The following KCNIP4 variants were observed in gnomAD, a reference collection of about 807,000 sequenced individuals.
KCNIP4 encodes the protein Kv channel-interacting protein 4.
KCNIP4 carries 12 observed loss-of-function variants against 34.0 expected under a neutral mutation model. That is an observed-to-expected ratio of 0.35 (90% CI 0.23 to 0.57). The LOEUF (loss-of-function observed/expected upper bound fraction) is 0.57. Ranked by LOEUF, KCNIP4 falls within the 20% of genes least tolerant of loss-of-function variation. KCNIP4 has a pLI of 0.83. For missense variants in KCNIP4, 238 were observed against 311.7 expected, an observed-to-expected ratio of 0.76 and a Z score of 1.78; for synonymous variants, 124 against 102.2, an observed-to-expected ratio of 1.21 and a Z score of -1.29.
intron 1 of KCNIP4, among the ~76,000 whole-genome samples, chr4:21,647,793 C>A (rs1747134743): frequency 6.7e-6 from 1 of 149,966 alleles, no homozygotes; most frequent in African/African-American, 2.5e-5. Context: ...TCAACCATAT[C>A]ACAACTCACA....
At chr4:21,270,114 G>A (rs1472200485) in intron 1 of KCNIP4, among the ~76,000 whole-genome samples, 1 of 152,188 alleles carries the variant, frequency 6.6e-6, no homozygotes, top group Non-Finnish European at 1.5e-5. Context: ...AACCACCGGG[G>A]AGTATCATAG....
intron 3 of KCNIP4, among the ~76,000 whole-genome samples, chr4:20,786,275 G>C (rs1560464142): frequency 1.3e-5 from 2 of 152,040 alleles, no homozygotes; most frequent in African/African-American, 4.8e-5. Context: ...ATGAGAACAA[G>C]AGACACTAGG....
chr4:20,868,603 G>A (rs545240000), intron 2 of KCNIP4, among the ~76,000 whole-genome samples: 132 of 152,192 alleles, frequency 8.7e-4, no homozygotes, highest in Non-Finnish European at 1.6e-3. Context: ...GCCCATCAGT[G>A]GTAGATTGGA....
chr4:20,873,109 A>G (rs1221478952), intron 2 of KCNIP4, among the ~76,000 whole-genome samples: 1 of 152,156 alleles, frequency 6.6e-6, no homozygotes, highest in Non-Finnish European at 1.5e-5. Flanking sequence ...TTTCAAATTT[A>G]TCCTCTCCCT....
intron 1 of KCNIP4, among the ~76,000 whole-genome samples, chr4:21,896,646 T>C (rs567153465): frequency 6.6e-6 from 1 of 152,086 alleles, no homozygotes; most frequent in Non-Finnish European, 1.5e-5. Context: ...ATGTCAGACA[T>C]GGTGGCTCAT....
At chr4:21,222,490 G>A (rs966591896) in intron 1 of KCNIP4, among the ~76,000 whole-genome samples, 9 of 151,982 alleles carry the variant, frequency 5.9e-5, no homozygotes, top group Non-Finnish European at 1.2e-4. Flanking sequence ...TAAATGTTAA[G>A]GTAATATCCT....
intron 1 of KCNIP4, among the ~76,000 whole-genome samples, chr4:20,970,207 C>G (rs925395277): frequency 6.6e-6 from 1 of 152,162 alleles, no homozygotes; most frequent in African/African-American, 2.4e-5. Context: ...TCCCAAAGTG[C>G]TGGGATTACA....
intron 1 of KCNIP4, among the ~76,000 whole-genome samples, chr4:21,690,200 A>G (rs997124980): frequency 1.3e-5 from 2 of 150,866 alleles, no homozygotes; most frequent in African/African-American, 2.4e-5. Flanking sequence ...TGTCATGGTC[A>G]GTTGGACTTT....
intron 1 of KCNIP4, among the ~76,000 whole-genome samples, chr4:21,886,610 A>T (rs1448107410): frequency 2.2e-4 from 33 of 152,144 alleles, no homozygotes; most frequent in Admixed American, 2.1e-3. Context: ...TGTAAATCCC[A>T]AATCTGTGAA....
At chr4:21,887,059 A>T (rs990564009) in intron 1 of KCNIP4, among the ~76,000 whole-genome samples, 8 of 152,220 alleles carry the variant, frequency 5.3e-5, no homozygotes, top group Admixed American at 3.3e-4. Flanking sequence ...TAAAGTACAA[A>T]TTTTTTTAAA....
chr4:21,548,129 C>G (rs1234723888), intron 1 of KCNIP4, among the ~76,000 whole-genome samples: 1 of 152,022 alleles, frequency 6.6e-6, no homozygotes, highest in Non-Finnish European at 1.5e-5. Flanking sequence ...TCAGGGTAAC[C>G]AAGGAGCACA....
At chr4:21,234,182 A>T (rs1226330142) in intron 1 of KCNIP4, among the ~76,000 whole-genome samples, 2 of 103,904 alleles carry the variant, frequency 1.9e-5, no homozygotes, top group South Asian at 2.8e-4. Flanking sequence ...TAACATATAT[A>T]ACGTATATTA....
chr4:21,378,450 G>T (rs1286774369), intron 1 of KCNIP4, among the ~76,000 whole-genome samples: 2 of 152,068 alleles, frequency 1.3e-5, no homozygotes, highest in Non-Finnish European at 2.9e-5. Flanking sequence ...TTAGAGGGTG[G>T]GATGAAGTAA....
chr4:21,921,508 G>C (rs1009061476), intron 1 of KCNIP4, among the ~76,000 whole-genome samples: 1 of 152,172 alleles, frequency 6.6e-6, no homozygotes, highest in South Asian at 2.1e-4. Flanking sequence ...CAGATATCTA[G>C]AGATACCTTA....
rs555457871 is a variant in KCNIP4, at chr4:21,894,738, C to T, written c.61+53833G>A. Among the ~76,000 whole-genome samples the T allele has an allele frequency of 5.9e-5, 9 of 152,290 alleles. No homozygotes were observed. In the South Asian group the frequency reaches 1.7e-3, roughly 28 times the overall value. ...TTATTTGACATTGCTAAGGTATGAA[C>T]TTGCCAACAGAAGTTGGTTTTTTTC... On this transcript the variant is annotated intron_variant, in intron 1 of 8. Transcript: ENST00000382152.
At chr4:21,755,563 G>A (rs1201866617) in intron 1 of KCNIP4, among the ~76,000 whole-genome samples, 1 of 152,134 alleles carries the variant, frequency 6.6e-6, no homozygotes, top group African/African-American at 2.4e-5. Flanking sequence ...TATTAAATGT[G>A]TTTACTTGCT....
chr4:21,029,115 T>C (rs1740790352), intron 1 of KCNIP4, among the ~76,000 whole-genome samples: 1 of 152,166 alleles, frequency 6.6e-6, no homozygotes, highest in Non-Finnish European at 1.5e-5. Context: ...TCTATACGTT[T>C]AAAATGTAAA....
intron 1 of KCNIP4, among the ~76,000 whole-genome samples, chr4:21,245,702 C>G (rs1577954781): frequency 6.6e-6 from 1 of 151,952 alleles, no homozygotes; most frequent in Non-Finnish European, 1.5e-5. Flanking sequence ...TGGGGCAACA[C>G]CAAGAATGAG....
intron 1 of KCNIP4, among the ~76,000 whole-genome samples, chr4:20,890,857 CTA>C (rs1345504591): frequency 2.0e-5 from 3 of 152,168 alleles, no homozygotes; most frequent in African/African-American, 7.2e-5. Flanking sequence ...ACACGTCAGC[CTA>C]TCATCATCTT....
Sources: gnomAD v4.1 joint callset for allele counts (sites outside exome capture counted in the v4.1 genomes callset) on GRCh38, gnomAD v4.1.1 for gene constraint, MANE v1.5 for transcripts, NCBI Gene and HGNC (gene_info 2026-07-23, HGNC 2026-07-21) for gene names.